Variants in MYO3B observed in about 807,000 individuals in gnomAD.
MYO3B encodes the protein myosin-IIIb.
A neutral mutation model predicts 174.6 loss-of-function variants in MYO3B; 156 were observed. The ratio of observed to expected loss-of-function variants is 0.89; its 90% CI spans 0.78 to 1.02. The LOEUF is 1.02. Ranked by LOEUF, MYO3B falls within the 50% of genes least tolerant of loss-of-function variation. The probability of loss-of-function intolerance (pLI) is 0.00; values close to 1 mark genes in which losing one functional copy is unlikely to be tolerated. For missense variants in MYO3B, 1,632 were observed against 1,639.4 expected (o/e 1.00, Z 0.08); for synonymous variants, 563 against 569.1 (o/e 0.99, Z 0.15).
At chr2:170,564,658 G>A (rs1428678352) in intron 32 of MYO3B, among the ~76,000 whole-genome samples, 2 of 151,986 alleles carry the variant, frequency 1.3e-5, no homozygotes, top group African/African-American at 4.8e-5. Context: ...TTTGCAATAT[G>A]TATTGAGAGC....
intron 8 of MYO3B, chr2:170,350,946 C>T (rs1018044050): frequency 8.6e-5 from 13 of 150,878 alleles, no homozygotes; most frequent in African/African-American, 3.2e-4. Flanking sequence ...TTTCCAAACA[C>T]AGGATATTGC....
At chr2:170,625,567 G>T (rs543089785) in intron 32 of MYO3B, among the ~76,000 whole-genome samples, 2 of 152,208 alleles carry the variant, frequency 1.3e-5, no homozygotes, top group African/African-American at 4.8e-5. Context: ...TTTCTGCTCT[G>T]ATCTTAGTTA....
At chr2:170,621,362 A>C (rs984841118) in intron 32 of MYO3B, among the ~76,000 whole-genome samples, 1 of 152,190 alleles carries the variant, frequency 6.6e-6, no homozygotes, top group Non-Finnish European at 1.5e-5. Flanking sequence ...ATAAATTATT[A>C]TGACACCCTT....
At chr2:170,421,597 G>C (rs1297997460) in intron 22 of MYO3B, among the ~76,000 whole-genome samples, 1 of 152,200 alleles carries the variant, frequency 6.6e-6, no homozygotes, top group Non-Finnish European at 1.5e-5. Flanking sequence ...CTGCTGGGAG[G>C]ACCAGAAGCT....
At chr2:170,612,750 G>A (rs933669791) in intron 32 of MYO3B, among the ~76,000 whole-genome samples, 8 of 152,192 alleles carry the variant, frequency 5.3e-5, no homozygotes, top group Non-Finnish European at 8.8e-5. Context: ...GGTATTGCAT[G>A]GAGGAAGAGA....
chr2:170,558,801 T>C (rs1166017502), intron 32 of MYO3B, among the ~76,000 whole-genome samples: 2 of 152,134 alleles, frequency 1.3e-5, no homozygotes, highest in Non-Finnish European at 2.9e-5. Context: ...CAAACTTAAA[T>C]TTACATCCCA....
At chr2:170,301,029 T>A (rs2093662127) in intron 7 of MYO3B, among the ~76,000 whole-genome samples, 1 of 152,230 alleles carries the variant, frequency 6.6e-6, no homozygotes, top group South Asian at 2.1e-4. Context: ...TACATCTTTG[T>A]GTCTTGCCTG....
chr2:170,549,718 G>C lies in MYO3B; in HGVS notation c.3733+5730G>C, dbSNP rs1458497709. On this transcript the variant is annotated intron_variant, in intron 32 of 34. Coordinates refer to ENST00000408978, the MANE Select transcript of MYO3B (RefSeq NM_138995.5). ...GTGGGATTTTCAGTGCTTACACCAGGACAGTCCCAGGCAAACAGATGAGTC... is the reference window on the plus strand; with the variant it reads ...GTGGGATTTTCAGTGCTTACACCAGCACAGTCCCAGGCAAACAGATGAGTC... Among the ~76,000 whole-genome samples, 3 of 152,248 alleles carry C rather than the reference G, an allele frequency of 2.0e-5. No homozygotes were observed. The East Asian group carries it at 5.8e-4, about 29-fold the overall frequency.
At chr2:170,460,255 C>T (rs946730980) in intron 23 of MYO3B, among the ~76,000 whole-genome samples, 3 of 151,928 alleles carry the variant, frequency 2.0e-5, no homozygotes, top group South Asian at 2.1e-4. Flanking sequence ...TTTGGGAGGC[C>T]GAGGCGGGCG....
At chr2:170,402,048 G>T (rs552256443) in intron 18 of MYO3B, among the ~76,000 whole-genome samples, 40 of 152,334 alleles carry the variant, frequency 2.6e-4, no homozygotes, top group African/African-American at 8.9e-4. Context: ...AAGGACTGAA[G>T]GAGCCACTAA....
chr2:170,540,617 G>A (rs1304424768), intron 30 of MYO3B, among the ~76,000 whole-genome samples: 1 of 150,872 alleles, frequency 6.6e-6, no homozygotes, highest in African/African-American at 2.4e-5. Context: ...GTGACGGATT[G>A]CAGAGCATTA....
chr2:170,243,978 C>G (rs2093163477), intron 7 of MYO3B, among the ~76,000 whole-genome samples: 1 of 152,186 alleles, frequency 6.6e-6, no homozygotes, highest in Non-Finnish European at 1.5e-5. Context: ...CACACACATA[C>G]ATGAATGCTG....
chr2:170,448,396 C>T (rs553215210), intron 23 of MYO3B, among the ~76,000 whole-genome samples: 6 of 152,232 alleles, frequency 3.9e-5, no homozygotes, highest in Admixed American at 3.9e-4. Context: ...CCTTATTCTT[C>T]AGATGTGGGC....
intron 14 of MYO3B, among the ~76,000 whole-genome samples, chr2:170,388,678 G>A (rs2105758404): frequency 6.6e-6 from 1 of 152,302 alleles, no homozygotes; most frequent in East Asian, 1.9e-4. Context: ...ACATGATTAG[G>A]AGGCTGTTGC....
At chr2:170,219,295 C>T (rs2092865541) in intron 6 of MYO3B, among the ~76,000 whole-genome samples, 1 of 152,218 alleles carries the variant, frequency 6.6e-6, no homozygotes, top group South Asian at 2.1e-4. Flanking sequence ...CTGCCAGGGA[C>T]TTGGGATGCC....
chr2:170,295,047 C>T (rs951036272), intron 7 of MYO3B, among the ~76,000 whole-genome samples: 1 of 151,920 alleles, frequency 6.6e-6, no homozygotes, highest in Admixed American at 6.6e-5. Context: ...ACTATTATTA[C>T]TGATGAATGG....
chr2:170,344,086 C>T (rs919952002), intron 8 of MYO3B: 4 of 152,258 alleles, frequency 2.6e-5, no homozygotes, highest in Non-Finnish European at 5.9e-5. Flanking sequence ...CGTGGAACCT[C>T]ATGGGCCAAG....
At chr2:170,524,477 C>G (rs1233869895) in intron 30 of MYO3B, 2 of 445,696 alleles carry the variant, frequency 4.5e-6, no homozygotes, top group Admixed American at 4.8e-5. Context: ...GGGCACTGTG[C>G]TAAGTGGTTT....
chr2:170,640,681 T>A (rs1045606157), intron 32 of MYO3B: 1 of 152,234 alleles, frequency 6.6e-6, no homozygotes, highest in African/African-American at 2.4e-5. Flanking sequence ...CTAGTATGTC[T>A]TAAATTCCTC....
Sources: allele counts gnomAD v4.1 joint callset (sites outside exome capture counted in the v4.1 genomes callset), GRCh38; gene constraint gnomAD v4.1.1; transcripts MANE v1.5; gene names NCBI Gene and HGNC (gene_info 2026-07-23, HGNC 2026-07-21).